The following EEPD1 variants were observed in gnomAD, a reference collection of about 807,000 sequenced individuals.
EEPD1 encodes the protein endonuclease/exonuclease/phosphatase family domain-containing protein 1.
A neutral mutation model predicts 46.3 loss-of-function variants in EEPD1; 17 were observed. The ratio of observed to expected loss-of-function variants is 0.37; its 90% CI spans 0.25 to 0.55. EEPD1 has a LOEUF of 0.55. Ranked by LOEUF, EEPD1 falls within the 20% of genes least tolerant of loss-of-function variation. The probability of loss-of-function intolerance (pLI) is 0.83; values close to 1 mark genes in which losing one functional copy is unlikely to be tolerated. For synonymous variants in EEPD1, 313 were observed against 315.6 expected (o/e 0.99, Z 0.09); for missense variants, 673 against 745.6 (o/e 0.90, Z 1.13).
chr7:36,207,956 A>G (rs929748578), intron 2 of EEPD1, among the ~76,000 whole-genome samples: 6 of 144,094 alleles, frequency 4.2e-5, no homozygotes, highest in African/African-American at 1.6e-4. Context: ...CACACAGGCC[A>G]TTGGCCACCA....
chr7:36,210,992 TTCCTCA>T, intron 2 of EEPD1, among the ~76,000 whole-genome samples: 1 of 152,364 alleles, frequency 6.6e-6, no homozygotes, highest in Non-Finnish European at 1.5e-5. Context: ...GGCATCAGTT[TTCCTCA>T]TCTATGTAAT....
At chr7:36,291,415 C>CG (rs1787429181) in intron 6 of EEPD1, among the ~76,000 whole-genome samples, 1 of 152,164 alleles carries the variant, frequency 6.6e-6, no homozygotes, top group Admixed American at 6.5e-5. Flanking sequence ...CAAACCTTCC[C>CG]ACCTCTGGGA....
intron 3 of EEPD1, among the ~76,000 whole-genome samples, chr7:36,258,524 C>G (rs1786862082): frequency 6.6e-6 from 1 of 152,186 alleles, no homozygotes; most frequent in Non-Finnish European, 1.5e-5. Context: ...GATGCCCTGC[C>G]CTGAGAGGAG....
intron 5 of EEPD1, among the ~76,000 whole-genome samples, chr7:36,287,202 A>T (rs1393682870): frequency 1.7e-5 from 2 of 114,332 alleles, no homozygotes; most frequent in Non-Finnish European, 3.3e-5. Context: ...ATGCCACTCC[A>T]CCCCAGCCTG....
chr7:36,293,455 T>C (rs1787479247), intron 6 of EEPD1, among the ~76,000 whole-genome samples: 1 of 152,180 alleles, frequency 6.6e-6, no homozygotes, highest in Non-Finnish European at 1.5e-5. Context: ...CCGGAGATGC[T>C]AAATCAGAAT....
chr7:36,232,557 C>T (rs973415054), intron 2 of EEPD1, among the ~76,000 whole-genome samples: 1 of 151,178 alleles, frequency 6.6e-6, no homozygotes, highest in African/African-American at 2.4e-5. Context: ...TTGCCCCTCC[C>T]CCTACTCCTA....
chr7:36,207,782 G>C (rs938362455), intron 2 of EEPD1, among the ~76,000 whole-genome samples: 8 of 151,866 alleles, frequency 5.3e-5, no homozygotes, highest in Non-Finnish European at 1.5e-5. Flanking sequence ...TGTTTATAAA[G>C]TGTTTCTACT....
intron 3 of EEPD1, among the ~76,000 whole-genome samples, chr7:36,272,216 A>C (rs930021202): frequency 1.3e-5 from 2 of 152,044 alleles, no homozygotes; most frequent in Non-Finnish European, 2.9e-5. Context: ...AGCCGATGAA[A>C]TTACTATGGA....
intron 6 of EEPD1, among the ~76,000 whole-genome samples, chr7:36,296,553 C>T (rs1583483219): frequency 1.3e-5 from 2 of 152,182 alleles, no homozygotes; most frequent in African/African-American, 4.8e-5. Flanking sequence ...TTTGTTTTTG[C>T]ACCTACTCTG....
chr7:36,282,734 G>T (rs1324376801), intron 4 of EEPD1, among the ~76,000 whole-genome samples: 1 of 152,238 alleles, frequency 6.6e-6, no homozygotes, highest in African/African-American at 2.4e-5. Flanking sequence ...GCATGAGGTG[G>T]CAGGCTGGCC....
chr7:36,211,980 A>G (rs1562688563), intron 2 of EEPD1, among the ~76,000 whole-genome samples: 1 of 152,240 alleles, frequency 6.6e-6, no homozygotes, highest in Admixed American at 6.5e-5. Flanking sequence ...AACAAAATGT[A>G]AAGTTAATGT....
chr7:36,153,848 G>C (rs1262263502), intron 1 of EEPD1, among the ~76,000 whole-genome samples, 174 bp downstream of exon 1: 1 of 152,240 alleles, frequency 6.6e-6, no homozygotes, highest in African/African-American at 2.4e-5. Context: ...GGTGACCCAA[G>C]TGTCAGAGTT....
intron 3 of EEPD1, among the ~76,000 whole-genome samples, chr7:36,260,870 A>C (rs1313726872): frequency 1.3e-5 from 2 of 152,262 alleles, no homozygotes; most frequent in South Asian, 2.1e-4. Context: ...GAACTTGTAC[A>C]GACTTTTTTC....
In EEPD1 at chr7:36,281,194, T is replaced by C. The variant is rs34655062; in HGVS notation, c.1010T>C (p.Val337Ala). ...CCCCGGGGATGCTGGAAGGCTGTTG[T>C]TGCTGAGAAGCCCTCGAGTCAGCTC... ...KGPRGCWKAV[V>A]AEKPSSQLQK... is the part of the protein sequence containing the mutation. Residue 337 changes from valine (V) to alanine (A), a missense_variant, in exon 4 of 8, where the codon GTT becomes GCT. Transcript: ENST00000242108. 18 of 1,614,110 alleles carry C rather than the reference T, an allele frequency of 1.1e-5. No individual in the cohort carries two copies. In the African/African-American group the frequency reaches 2.4e-4, roughly 22 times the overall value.
intron 3 of EEPD1, among the ~76,000 whole-genome samples, chr7:36,272,508 T>TG (rs56338724): frequency 0.27 from 38,350 of 139,918 alleles, 5,104 homozygotes; most frequent in Admixed American, 0.36. Flanking sequence ...TTGTTGTTGT[T>TG]TTTTTTTTTT....
chr7:36,215,021 C>T (rs77265304), intron 2 of EEPD1, among the ~76,000 whole-genome samples: 5,395 of 152,258 alleles, frequency 0.035, 322 homozygotes, highest in African/African-American at 0.12. Flanking sequence ...CTGGGCCCCC[C>T]TGAATTTGGT....
At chr7:36,275,515 C>T (rs1431790000) in intron 3 of EEPD1, among the ~76,000 whole-genome samples, 1 of 152,102 alleles carries the variant, frequency 6.6e-6, no homozygotes, top group Non-Finnish European at 1.5e-5. Flanking sequence ...GGCGCGATCT[C>T]GGCTCACTGC....
chr7:36,268,154 T>C (rs1283532841), intron 3 of EEPD1, among the ~76,000 whole-genome samples: 1 of 152,052 alleles, frequency 6.6e-6, no homozygotes, highest in Non-Finnish European at 1.5e-5. Flanking sequence ...TTAAGTGTTT[T>C]GTTGTTGTTG....
intron 2 of EEPD1, among the ~76,000 whole-genome samples, chr7:36,203,166 C>T (rs569290471): frequency 1.3e-5 from 2 of 152,280 alleles, no homozygotes; most frequent in South Asian, 4.1e-4. Context: ...GTAAGTGGTG[C>T]TCATGACAGT....
Sources: allele counts gnomAD v4.1 joint callset (sites outside exome capture counted in the v4.1 genomes callset), GRCh38; gene constraint gnomAD v4.1.1; transcripts MANE v1.5; gene names NCBI Gene and HGNC (gene_info 2026-07-23, HGNC 2026-07-21).